HERC2: variants seen among roughly 807,000 people sequenced by gnomAD.
HERC2 encodes the protein E3 ubiquitin-protein ligase HERC2.
HERC2 carries 102 observed loss-of-function variants against 537.7 expected under a neutral mutation model. The ratio of observed to expected loss-of-function variants is 0.19; its 90% CI spans 0.16 to 0.22. HERC2 has a LOEUF of 0.22. Among genes scored for constraint, HERC2 ranks in the 10% least tolerant of loss-of-function variants. The probability of loss-of-function intolerance (pLI) is 1.00; values close to 1 mark genes in which losing one functional copy is unlikely to be tolerated. For synonymous variants in HERC2, 2,224 were observed against 2,466.2 expected, an observed-to-expected ratio of 0.90 and a Z score of 2.91; for missense variants, 4,236 against 6,198.2, an observed-to-expected ratio of 0.68 and a Z score of 10.63.
rs1889323051 is a variant in HERC2, at chr15:28,125,006, C to G, written c.12990G>C (p.Gln4330His). The G allele has an allele frequency of 1.6e-5, 25 of 1,594,576 alleles. No individual in the cohort carries two copies. Among genetic ancestry groups the G allele is most frequent in the Non-Finnish European group, 2.1e-5 (25 of 1,163,654 alleles). The change falls in exon 84 of 93, where the codon CAG becomes CAC. Residue 4330 changes from glutamine to histidine, a missense_variant and splice_region_variant. This residue lies in a region of HERC2 where 189 missense variants were observed against 255.7 expected (regional missense o/e 0.74). Transcript: ENST00000261609. ...ACCCACCCAACCTGCCCGGACTCAC[C>G]TGTGCAGGGAGTTTGCCAGCACTGG... Reference protein sequence around the residue: ...KPASAGKLPAQVPMEYNHLQE... With the variant: ...KPASAGKLPAHVPMEYNHLQE...
At position 28,201,548 on chromosome 15, in the gene HERC2, C is replaced by T. The variant is rs565049254; in HGVS notation, c.7624G>A (p.Gly2542Ser). The T allele has an allele frequency of 6.2e-7, 1 of 1,607,882 alleles. No homozygotes were observed. The highest frequency in any genetic ancestry group is 1.3e-5 in the African/African-American group (1 of 74,894). ...VDDAAYSMST[G>S]AVVTESQTYK... Reference sequence around the variant, plus strand: ...GTCTGGCTCTCCGTCACAACAGCACCAGTAGACTGCAAGAAATAAATACAT... The same window carrying T: ...GTCTGGCTCTCCGTCACAACAGCACTAGTAGACTGCAAGAAATAAATACAT... The change falls in exon 48 of 93, where the codon GGT becomes AGT. Residue 2542 changes from glycine (G) to serine (S), a missense_variant. Gly to Ser is a moderately conservative substitution (Grantham distance 56). Coordinates refer to ENST00000261609, the MANE Select transcript of HERC2 (RefSeq NM_004667.6).
intron 83 of HERC2, among the ~76,000 whole-genome samples, chr15:28,128,101 G>A (rs1186162869): frequency 6.6e-6 from 1 of 152,144 alleles, no homozygotes; most frequent in East Asian, 1.9e-4. Context: ...CAGAAACATC[G>A]CAAAAAATCC....
At chr15:28,281,262 C>T (rs2076013247) in intron 4 of HERC2, among the ~76,000 whole-genome samples, 2 of 152,088 alleles carry the variant, frequency 1.3e-5, no homozygotes, top group Admixed American at 6.5e-5. Flanking sequence ...GAAAATAATT[C>T]AAAGGATTCT....
At chr15:28,267,730 CCT>C (rs1292408698) in intron 12 of HERC2, among the ~76,000 whole-genome samples, 36 of 152,390 alleles carry the variant, frequency 2.4e-4, no homozygotes, top group Middle Eastern at 6.8e-3. Flanking sequence ...TCAACTCCAC[CCT>C]GTGGTGTGCA....
chr15:28,218,017 C>T (rs1267682753), intron 38 of HERC2, among the ~76,000 whole-genome samples: 1 of 151,868 alleles, frequency 6.6e-6, no homozygotes, highest in African/African-American at 2.4e-5. Context: ...TTGCAAAATT[C>T]GTATGTTGAA....
chr15:28,294,687 C>G (rs2346040), intron 3 of HERC2, among the ~76,000 whole-genome samples: 4 of 151,882 alleles, frequency 2.6e-5, no homozygotes, highest in Admixed American at 6.6e-5. Context: ...AGCAAGGTCA[C>G]CTCACCCTGT....
intron 31 of HERC2, among the ~76,000 whole-genome samples, chr15:28,230,070 T>A (rs1596288205): frequency 6.6e-6 from 1 of 152,324 alleles, no homozygotes; most frequent in Non-Finnish European, 1.5e-5. Flanking sequence ...CAAAGCTAAG[T>A]TATGGTTCAT....
In HERC2 at chr15:28,177,271, CA is replaced by C; in HGVS notation, c.9255-145del. 8.3e-7 allele frequency: 1 copy of C among 1,202,338 alleles called. No homozygotes were observed. Among genetic ancestry groups the C allele is most frequent in the Non-Finnish European group, 1.2e-6 (1 of 852,120 alleles). The allele number at this position is 1,202,338 out of a possible 1,614,324, so 74.5% of individuals were successfully genotyped here. ...AAACTTAAAGCAGAACCGGTGAGAC[CA>C]AAACACAAACAACCGTGTTAAAAAA... is the stretch of plus-strand genomic sequence containing the variant. On this transcript the variant is annotated intron_variant, in intron 60 of 92. Coordinates refer to ENST00000261609, the MANE Select transcript of HERC2 (RefSeq NM_004667.6). This position sits in a 1 kb window ranked among gnomAD's most constrained non-coding sequence, Gnocchi z 5.0.
rs765483300 is a variant in HERC2 at position 28,233,323 on chromosome 15, G to A, written c.4498C>T (p.Arg1500Cys). The A allele has an allele frequency of 2.3e-5, 34 of 1,484,594 alleles. No individual in the cohort carries two copies. The highest frequency in any genetic ancestry group is 2.8e-5 in the Non-Finnish European group (30 of 1,068,676). 92.0% of individuals were successfully genotyped at this position (1,484,594 alleles called of 1,614,324 possible). Residue 1500 changes from arginine (R) to cysteine (C), a missense_variant, in exon 30 of 93, where the codon CGT (arginine) becomes TGT (cysteine). Physicochemically the swap from Arg to Cys is radical, Grantham distance 180 (BLOSUM62 -3). This residue lies in a region of HERC2 where 94 missense variants were observed against 174.9 expected (regional missense o/e 0.54). Transcript: ENST00000261609. ...SLIKTHQEQG[R>C]SYKEVCAPVI... The stretch of plus-strand genomic sequence containing the variant: ...GGAGCGCAGACCTCCTTGTAAGAAC[G>A]GCCCTGTTCTTGATGAGTCTGCAAA...
chr15:28,206,812 G>A lies in HERC2; in HGVS notation c.7070-430C>T, dbSNP rs550591596. On this transcript the variant is annotated intron_variant, in intron 44 of 92. Coordinates refer to ENST00000261609, the MANE Select transcript of HERC2 (RefSeq NM_004667.6). ...TGTGCCACTGCACTCCAGCCTGGGC[G>A]ACAGACCAAGACTCGGTCTCAAAAA... Among the ~76,000 whole-genome samples, 484 of 124,954 alleles carry A rather than the reference G, an allele frequency of 3.9e-3. 6 individuals carry two copies. Among genetic ancestry groups the A allele is most frequent in the African/African-American group, 0.014 (444 of 31,736 alleles). The allele number at this position is 124,954 out of a possible 152,430, so 82.0% of individuals were successfully genotyped here.
intron 35 of HERC2, 62 bp downstream of exon 35, chr15:28,228,156 A>T: frequency 7.1e-7 from 1 of 1,408,456 alleles, no homozygotes; most frequent in Non-Finnish European, 9.7e-7. Context: ...AAAAGAAAAG[A>T]AAAGAAATCA....
At position 28,191,830 on chromosome 15, in the gene HERC2, T is replaced by G. The variant is rs1161787604; in HGVS notation, c.8451+131A>C. On this transcript the variant is annotated intron_variant, in intron 53 of 92. Coordinates refer to ENST00000261609, the MANE Select transcript of HERC2 (RefSeq NM_004667.6). ...TCTAACTTTGAAATAACTTATAAAT[T>G]AAAACATAACGTGAGTACTGACAGG... is the stretch of plus-strand genomic sequence containing the variant. The G allele has an allele frequency of 6.0e-6, 4 of 662,822 alleles. No homozygotes were observed. In the African/African-American group the frequency reaches 7.3e-5, roughly 12 times the overall value. 41.1% of individuals were successfully genotyped at this position (662,822 alleles called of 1,614,324 possible).
Position 28,135,574 on chromosome 15 carries a change from T to C in HERC2, c.12134A>G (p.Asn4045Ser), listed in dbSNP as rs1890553092. 6.2e-7 allele frequency: 1 copy of C among 1,614,052 alleles called. No homozygotes were observed. The highest frequency in any genetic ancestry group is 1.1e-5 in the South Asian group (1 of 91,084). ...GGCAAGGCAGTGCTTTCCTCCAGAGTTCACAGCTACTTTCTTAATAAACAC... is the reference window on the plus strand; with the variant it reads ...GGCAAGGCAGTGCTTTCCTCCAGAGCTCACAGCTACTTTCTTAATAAACAC... ...QHVFIKKVAV[N>S]SGGKHCLALS... The change falls in exon 79 of 93, where the codon AAC (asparagine) becomes AGC (serine). Residue 4045 changes from asparagine to serine, a missense_variant. Physicochemically the swap from Asn to Ser is conservative, Grantham distance 46. Coordinates refer to ENST00000261609, the MANE Select transcript of HERC2 (RefSeq NM_004667.6).
chr15:28,315,554 G>A (rs1351652427), intron 2 of HERC2: 3 of 433,616 alleles, frequency 6.9e-6, no homozygotes, highest in African/African-American at 6.0e-5. Flanking sequence ...CAGCACTTTG[G>A]GAGGCCAAGG....
At chr15:28,188,758 G>C (rs1044826123) in intron 55 of HERC2, among the ~76,000 whole-genome samples, 2 of 152,084 alleles carry the variant, frequency 1.3e-5, no homozygotes, top group African/African-American at 4.8e-5. Context: ...AGGTTTGTGA[G>C]GGTTCCAGCA....
intron 70 of HERC2, among the ~76,000 whole-genome samples, chr15:28,149,025 C>T (rs1337852313): frequency 2.0e-5 from 3 of 150,766 alleles, no homozygotes; most frequent in East Asian, 2.0e-4. Context: ...CGAGAACGGC[C>T]GCACAAACGT....
At chr15:28,173,456 T>C (rs1894889138) in intron 65 of HERC2, among the ~76,000 whole-genome samples, 1 of 152,142 alleles carries the variant, frequency 6.6e-6, no homozygotes, top group South Asian at 2.1e-4. Context: ...TGGAAAAAGA[T>C]TTTTAAAAAG....
intron 17 of HERC2, 130 bp from the exon 18 acceptor site, chr15:28,256,447 T>A: frequency 1.3e-6 from 1 of 752,918 alleles, no homozygotes; most frequent in Non-Finnish European, 2.1e-6. Flanking sequence ...TATGTATTTT[T>A]AAAAACTGGA....
At position 28,260,792 on chromosome 15, in the gene HERC2, G is replaced by T; in HGVS notation, c.2301C>A (p.Ala767=). 1 of 1,614,110 alleles carries T rather than the reference G, an allele frequency of 6.2e-7. No homozygotes were observed. The highest frequency in any genetic ancestry group is 8.5e-7 in the Non-Finnish European group (1 of 1,179,970). Residue 767 remains alanine, a synonymous_variant, in exon 16 of 93, where the codon GCC becomes GCA. Coordinates refer to ENST00000261609, the MANE Select transcript of HERC2 (RefSeq NM_004667.6). The part of the protein sequence containing the change: ...GLDTKHIVGI[A]CGPAQSFAWS... ...TATTCAGTACCTGGGCAGGCCCACA[G>T]GCAATTCCCACTATGTGTTTGGTGT... is the stretch of plus-strand genomic sequence containing the variant.
Sources: allele counts gnomAD v4.1 joint callset (sites outside exome capture counted in the v4.1 genomes callset), GRCh38; gene constraint gnomAD v4.1.1; regional missense constraint gnomAD v4.1.1; non-coding constraint Gnocchi (gnomAD v3.1); transcripts MANE v1.5; gene names NCBI Gene and HGNC (gene_info 2026-07-23, HGNC 2026-07-21).